GDNF: variants seen among roughly 807,000 people sequenced by gnomAD.
The protein encoded by GDNF is glial cell line-derived neurotrophic factor.
In GDNF, 5 loss-of-function variants were observed where a neutral mutation model predicts 13.7. That is an observed-to-expected ratio of 0.36 (90% CI 0.19 to 0.77). The LOEUF is 0.77. Among genes scored for constraint, GDNF ranks in the 30% least tolerant of loss-of-function variants. The probability of loss-of-function intolerance (pLI) is 0.51; values close to 1 mark genes in which losing one functional copy is unlikely to be tolerated. For synonymous variants in GDNF, 122 were observed against 112.5 expected (o/e 1.08, Z -0.53); for missense variants, 246 against 274.3 (o/e 0.90, Z 0.73).
At chr5:37,836,223 A>G (rs1750698951) in intron 1 of GDNF, among the ~76,000 whole-genome samples, 1 of 151,950 alleles carries the variant, frequency 6.6e-6, no homozygotes, top group African/African-American at 2.4e-5. Context: ...TGCGGGAGGG[A>G]AATGCAAAAC....
At chr5:37,819,047 T>A (rs1480003197) in intron 2 of GDNF, among the ~76,000 whole-genome samples, 1 of 152,220 alleles carries the variant, frequency 6.6e-6, no homozygotes, top group Non-Finnish European at 1.5e-5. Context: ...GCAGGAACTC[T>A]GTCCTGCTTG....
chr5:37,835,429 A>C, intron 1 of GDNF: 1 of 1,426,906 alleles, frequency 7.0e-7, no homozygotes, highest in Non-Finnish European at 9.2e-7. Context: ...CTTCCCACCT[A>C]AATAGGTATT....
chr5:37,838,367 G>A lies in GDNF; in HGVS notation c.-27+1140C>T, dbSNP rs1030121065. On this transcript the variant is annotated intron_variant, in intron 1 of 2. Coordinates refer to ENST00000326524, the MANE Select transcript of GDNF (RefSeq NM_000514.4). This position sits in a 1 kb window ranked among gnomAD's most constrained non-coding sequence, Gnocchi z 4.1. ...TACGAGTTTGGTCGAGGCCGGCTTTGACGGCTTTGCGGGACTGGGTGCGTG... is the reference window on the plus strand; with the variant it reads ...TACGAGTTTGGTCGAGGCCGGCTTTAACGGCTTTGCGGGACTGGGTGCGTG... Among the ~76,000 whole-genome samples the A allele has an allele frequency of 6.6e-6, 1 of 152,252 alleles. No homozygotes were observed. Among genetic ancestry groups the A allele is most frequent in the Admixed American group, 6.5e-5 (1 of 15,294 alleles).
intron 2 of GDNF, among the ~76,000 whole-genome samples, chr5:37,826,653 AC>A (rs1750324594): frequency 6.6e-6 from 1 of 152,306 alleles, no homozygotes; most frequent in South Asian, 2.1e-4. Flanking sequence ...AGACTGAGGC[AC>A]CTGGCCCTCT....
At chr5:37,827,383 T>A (rs1333572315) in intron 2 of GDNF, among the ~76,000 whole-genome samples, 1 of 152,208 alleles carries the variant, frequency 6.6e-6, no homozygotes, top group Non-Finnish European at 1.5e-5. Context: ...CTGAAATATT[T>A]AACATTCTGA....
rs962122984 is a variant in GDNF at position 37,838,070 on chromosome 5, G to A, written c.-27+1437C>T. ...AAGATCTATTGCTTTTCTTAACTAT[G>A]CTTCGTGTCCTTGACTGACAGAGGA... On this transcript the variant is annotated intron_variant, in intron 1 of 2. Transcript: ENST00000326524. This position sits in a 1 kb window ranked among gnomAD's most constrained non-coding sequence, Gnocchi z 4.1. Among the ~76,000 whole-genome samples the A allele has an allele frequency of 1.4e-5, 2 of 145,578 alleles. No homozygotes were observed. The highest frequency in any genetic ancestry group is 5.1e-5 in the African/African-American group (2 of 39,172).
intron 2 of GDNF, among the ~76,000 whole-genome samples, chr5:37,821,604 T>C (rs1397350304): frequency 1.3e-5 from 2 of 152,358 alleles, no homozygotes; most frequent in Admixed American, 6.5e-5. Flanking sequence ...GGTGTTATTC[T>C]ATTTAAAATA....
chr5:37,824,861 A>T (rs1750254121), intron 2 of GDNF, among the ~76,000 whole-genome samples: 1 of 152,254 alleles, frequency 6.6e-6, no homozygotes, highest in Non-Finnish European at 1.5e-5. Flanking sequence ...TTCCAGAGCT[A>T]CCAGTGCATT....
intron 2 of GDNF, among the ~76,000 whole-genome samples, chr5:37,825,070 C>T (rs1380476118): frequency 1.3e-5 from 2 of 152,098 alleles, no homozygotes; most frequent in South Asian, 2.1e-4. Flanking sequence ...TTAGAAAAGC[C>T]ACTTTGCCCA....
chr5:37,837,000 C>T (rs141630754), intron 1 of GDNF, among the ~76,000 whole-genome samples: 1 of 152,190 alleles, frequency 6.6e-6, no homozygotes, highest in Non-Finnish European at 1.5e-5. Context: ...CCGGATCGAG[C>T]TCCCCTCTTC....
chr5:37,815,285 G>T lies in GDNF; in HGVS notation c.*366C>A. 2.9e-6 allele frequency: 1 copy of T among 339,568 alleles called. No homozygotes were observed. Among genetic ancestry groups the T allele is most frequent in the Non-Finnish European group, 5.6e-6 (1 of 179,202 alleles). 21.0% of individuals were successfully genotyped at this position (339,568 alleles called of 1,614,324 possible). A position where few individuals can be genotyped will look rare whatever the true frequency, so the allele number is the denominator to read the frequency against. Reference sequence around the variant, plus strand: ...GGAGATACACTGGTTTGGTTCAAGTGCATCCACCGCAACCGCGCCGGTAAT... The same window carrying T: ...GGAGATACACTGGTTTGGTTCAAGTTCATCCACCGCAACCGCGCCGGTAAT... On this transcript the variant is annotated 3_prime_UTR_variant, in exon 3 of 3. Transcript: ENST00000326524. The surrounding 1 kb of genome is among the most constrained non-coding windows in gnomAD (Gnocchi z 5.0).
At chr5:37,821,111 G>T (rs538203388) in intron 2 of GDNF, among the ~76,000 whole-genome samples, 1 of 152,274 alleles carries the variant, frequency 6.6e-6, no homozygotes, top group South Asian at 2.1e-4. Context: ...GCACCTGGGG[G>T]CATTAGGCGC....
intron 2 of GDNF, among the ~76,000 whole-genome samples, chr5:37,828,513 G>A (rs560609905): frequency 6.6e-6 from 1 of 152,268 alleles, no homozygotes; most frequent in African/African-American, 2.4e-5. Context: ...GTGTTTCAGG[G>A]TTAGTGAGTG....
Position 37,834,643 on chromosome 5 carries a change from TACAGTC to T in GDNF, c.148_151+2del. 1 of 1,578,800 alleles carries T rather than the reference TACAGTC, an allele frequency of 6.3e-7. No individual in the cohort carries two copies. Among genetic ancestry groups the T allele is most frequent in the Admixed American group, 1.8e-5 (1 of 55,396 alleles). ...CCCCCCGCGGGGAGGGAACGGTTCT[TACAGTC>T]ACTGCTCAGCGCGAAGGGCGCGCGG... is the stretch of plus-strand genomic sequence containing the variant. On this transcript the variant is annotated splice_donor_variant and coding_sequence_variant, in exon 2 of 3. Transcript: ENST00000326524. LOFTEE classifies it high-confidence loss of function.
At chr5:37,821,962 T>C (rs1052437523) in intron 2 of GDNF, among the ~76,000 whole-genome samples, 8 of 152,212 alleles carry the variant, frequency 5.3e-5, no homozygotes, top group African/African-American at 1.4e-4. Flanking sequence ...AGGTTAACTA[T>C]ATTTTAATCA....
intron 2 of GDNF, 41 bp from the exon 3 acceptor site, chr5:37,816,176 T>C: frequency 1.2e-6 from 2 of 1,609,372 alleles, no homozygotes; most frequent in Non-Finnish European, 1.7e-6. Flanking sequence ...TGAGACAAAA[T>C]GATCATTTCA....
rs890220536 is a variant in GDNF, at chr5:37,838,610, A to C, written c.-27+897T>G. ...GGCGGATTCTACCAAAGCCGAAACTAGCTGGGCCCCAGGAAGCTGGCGGGA... is the reference window on the plus strand; with the variant it reads ...GGCGGATTCTACCAAAGCCGAAACTCGCTGGGCCCCAGGAAGCTGGCGGGA... On this transcript the variant is annotated intron_variant, in intron 1 of 2. Transcript: ENST00000326524. This position sits in a 1 kb window ranked among gnomAD's most constrained non-coding sequence, Gnocchi z 4.1. Among the ~76,000 whole-genome samples, 1 of 152,200 alleles carries C rather than the reference A, an allele frequency of 6.6e-6. No homozygotes were observed. Among genetic ancestry groups the C allele is most frequent in the Non-Finnish European group, 1.5e-5 (1 of 68,030 alleles).
chr5:37,819,086 T>G (rs1016768068), intron 2 of GDNF, among the ~76,000 whole-genome samples: 2 of 152,198 alleles, frequency 1.3e-5, no homozygotes, highest in Non-Finnish European at 2.9e-5. Flanking sequence ...AGTGCTTGAG[T>G]AGGCTGTGGA....
In GDNF at chr5:37,814,648, AGAG is replaced by A. The variant is rs905628087; in HGVS notation, c.*1000_*1002del. ...GAAACTTTAATAAATAAGGGAAAAAAGAGAAATTCATTAGTGAACGGTAATAAA... is the reference window on the plus strand; with the variant it reads ...GAAACTTTAATAAATAAGGGAAAAAAAAATTCATTAGTGAACGGTAATAAA... On this transcript the variant is annotated 3_prime_UTR_variant, in exon 3 of 3. Transcript: ENST00000326524. 6.6e-6 allele frequency: 1 copy of A among 152,272 alleles called. No homozygotes were observed. Among genetic ancestry groups the A allele is most frequent in the African/African-American group, 2.4e-5 (1 of 41,478 alleles). The allele number at this position is 152,272 out of a possible 1,614,324, so 9.4% of individuals were successfully genotyped here.
Sources: gnomAD v4.1 joint callset for allele counts (sites outside exome capture counted in the v4.1 genomes callset) on GRCh38, gnomAD v4.1.1 for gene constraint, Gnocchi (gnomAD v3.1) non-coding constraint, MANE v1.5 for transcripts, NCBI Gene and HGNC (gene_info 2026-07-23, HGNC 2026-07-21) for gene names.